The following PAPPA2 variants were observed in gnomAD, a reference collection of about 807,000 sequenced individuals.
PAPPA2 encodes pappalysin-2.
In PAPPA2, 86 loss-of-function variants were observed where a neutral mutation model predicts 176.4. That is an observed-to-expected ratio of 0.49 (90% CI 0.41 to 0.58). PAPPA2 has a LOEUF of 0.58. Ranked by LOEUF, PAPPA2 falls within the 20% of genes least tolerant of loss-of-function variation. The probability of loss-of-function intolerance (pLI) is 0.00; values close to 1 mark genes in which losing one functional copy is unlikely to be tolerated. For synonymous variants in PAPPA2, 809 were observed against 852.2 expected (o/e 0.95, Z 0.88); for missense variants, 2,073 against 2,256.9 (o/e 0.92, Z 1.65).
intron 1 of PAPPA2, among the ~76,000 whole-genome samples, chr1:176,481,879 A>ATT (rs796526652): frequency 1.4e-5 from 2 of 144,678 alleles, no homozygotes; most frequent in Admixed American, 1.4e-4. Context: ...TAAACTTTGT[A>ATT]TTTTTTTTTT....
At chr1:176,568,905 A>C (rs1004397154) in intron 2 of PAPPA2, among the ~76,000 whole-genome samples, 3 of 152,172 alleles carry the variant, frequency 2.0e-5, no homozygotes, top group Non-Finnish European at 1.5e-5. Context: ...AAAGCAGCGC[A>C]AGTCACTTTC....
At chr1:176,483,795 T>C (rs1009741352) in intron 1 of PAPPA2, among the ~76,000 whole-genome samples, 5 of 152,024 alleles carry the variant, frequency 3.3e-5, no homozygotes, top group African/African-American at 1.2e-4. Context: ...GGGGCGTGGT[T>C]GCCTCAAGAA....
At chr1:176,482,451 C>G (rs1652450866) in intron 1 of PAPPA2, among the ~76,000 whole-genome samples, 1 of 152,192 alleles carries the variant, frequency 6.6e-6, no homozygotes, top group Non-Finnish European at 1.5e-5. Context: ...GCTAATTGAA[C>G]ATTGTTACTA....
intron 3 of PAPPA2, among the ~76,000 whole-genome samples, chr1:176,643,505 T>G (rs1164621585): frequency 6.6e-6 from 1 of 151,748 alleles, no homozygotes; most frequent in Non-Finnish European, 1.5e-5. Context: ...TGAATTTGGC[T>G]TATACCATCA....
intron 7 of PAPPA2, among the ~76,000 whole-genome samples, chr1:176,697,433 T>G (rs1660437662): frequency 6.6e-6 from 1 of 152,278 alleles, no homozygotes; most frequent in African/African-American, 2.4e-5. Flanking sequence ...GTATATATGA[T>G]TAATAAGAAA....
chr1:176,636,762 C>T (rs1412477051), intron 3 of PAPPA2, among the ~76,000 whole-genome samples: 1 of 152,050 alleles, frequency 6.6e-6, no homozygotes, highest in Non-Finnish European at 1.5e-5. Context: ...TAATAAGTAA[C>T]ACATTTCTGG....
At chr1:176,645,882 T>TAG (rs1488519049) in intron 3 of PAPPA2, among the ~76,000 whole-genome samples, 3 of 151,884 alleles carry the variant, frequency 2.0e-5, no homozygotes, top group Admixed American at 6.6e-5. Flanking sequence ...GCCATTTATA[T>TAG]AGCTTCTTTT....
intron 14 of PAPPA2, among the ~76,000 whole-genome samples, chr1:176,752,359 A>G (rs955887591): frequency 1.3e-5 from 2 of 151,724 alleles, no homozygotes; most frequent in Non-Finnish European, 2.9e-5. Flanking sequence ...AAAAAAAAAA[A>G]AAAAAACATT....
At chr1:176,568,752 A>T (rs1297966437) in intron 2 of PAPPA2, among the ~76,000 whole-genome samples, 3 of 152,206 alleles carry the variant, frequency 2.0e-5, no homozygotes, top group Admixed American at 6.5e-5. Context: ...TGGCCTCTTC[A>T]GTTTATTTGG....
chr1:176,718,710 A>T lies in PAPPA2; in HGVS notation c.3798+6729A>T, dbSNP rs527681320. On this transcript the variant is annotated intron_variant, in intron 12 of 22. Transcript: ENST00000367662. ...GGATTTGGGGTAACTTTTTTTTTTA[A>T]AAAAAAAAAACATAGCTAGAGTCTT... Among the ~76,000 whole-genome samples the T allele has an allele frequency of 2.2e-3, 313 of 142,510 alleles. 1 individual carries two copies. The highest frequency in any genetic ancestry group is 3.7e-3 in the Admixed American group (47 of 12,620). The allele number at this position is 142,510 out of a possible 152,430, so 93.5% of individuals were successfully genotyped here.
At chr1:176,614,704 T>A (rs1211549203) in intron 3 of PAPPA2, among the ~76,000 whole-genome samples, 1 of 152,168 alleles carries the variant, frequency 6.6e-6, no homozygotes, top group Non-Finnish European at 1.5e-5. Context: ...ATGTTTAAAC[T>A]CTCACACTAC....
chr1:176,724,993 A>G (rs1420399365), intron 12 of PAPPA2, among the ~76,000 whole-genome samples: 3 of 152,170 alleles, frequency 2.0e-5, no homozygotes, highest in Admixed American at 6.5e-5. Context: ...TTCTCTCTAC[A>G]CCAGGGTTTT....
chr1:176,672,618 T>C (rs1659076228), intron 4 of PAPPA2, among the ~76,000 whole-genome samples: 1 of 150,922 alleles, frequency 6.6e-6, no homozygotes, highest in Admixed American at 6.6e-5. Context: ...TGTTCAAGTG[T>C]GAAACAGTGA....
intron 3 of PAPPA2, among the ~76,000 whole-genome samples, chr1:176,620,922 A>G (rs1655557632): frequency 6.6e-6 from 1 of 152,122 alleles, no homozygotes. Context: ...ATTTTTATGG[A>G]CTCTATACTA....
At chr1:176,623,610 C>CTTTCTTTCTTTCTTTCTTTCTTTCTTT (rs1558479000) in intron 3 of PAPPA2, among the ~76,000 whole-genome samples, 1 of 95,574 alleles carries the variant, frequency 1.0e-5, no homozygotes, top group African/African-American at 4.6e-5. Context: ...TTCCTTCCTT[C>CTTTCTTTCTTTCTTTCTTTCTTTCTTT]CTTCCTTCCT....
intron 3 of PAPPA2, among the ~76,000 whole-genome samples, chr1:176,668,028 A>G (rs1658766587): frequency 6.6e-6 from 1 of 152,124 alleles, no homozygotes; most frequent in African/African-American, 2.4e-5. Context: ...GCAATGAAAC[A>G]CGGTAGACTG....
intron 17 of PAPPA2, among the ~76,000 whole-genome samples, chr1:176,772,089 G>C (rs1285284758): frequency 6.6e-6 from 1 of 152,184 alleles, no homozygotes; most frequent in African/African-American, 2.4e-5. Flanking sequence ...TGCCTGGCTT[G>C]TGCCAATTAC....
chr1:176,776,574 A>T (rs1291617653), intron 17 of PAPPA2, among the ~76,000 whole-genome samples: 2 of 152,062 alleles, frequency 1.3e-5, no homozygotes, highest in Non-Finnish European at 2.9e-5. Context: ...GCCTTGTCTG[A>T]CCTAAATTGG....
intron 3 of PAPPA2, among the ~76,000 whole-genome samples, chr1:176,623,576 CTCCTTCCTTCCTTCCTTCCTTCCTTCCT>C (rs200667738): frequency 4.7e-5 from 4 of 84,952 alleles, no homozygotes; most frequent in Non-Finnish European, 9.0e-5. Flanking sequence ...CCTTCCTTCC[CTCCTTCCTTCCTTCCTTCCTTCCTTCCT>C]TCCTTCCTTC....
Sources: gnomAD v4.1 joint callset for allele counts (sites outside exome capture counted in the v4.1 genomes callset) on GRCh38, gnomAD v4.1.1 for gene constraint, MANE v1.5 for transcripts, NCBI Gene and HGNC (gene_info 2026-07-23, HGNC 2026-07-21) for gene names.